Variants in CAP2 observed in about 807,000 individuals in gnomAD.
CAP2 encodes the protein adenylyl cyclase-associated protein 2.
A neutral mutation model predicts 57.7 loss-of-function variants in CAP2; 24 were observed. The observed-to-expected ratio is 0.42, with a 90% confidence interval of 0.30 to 0.58. The LOEUF is 0.58. CAP2 is among the 20% of genes least tolerant of loss of function. The pLI is 0.22. For synonymous variants in CAP2, 194 were observed against 207.2 expected (o/e 0.94, Z 0.55); for missense variants, 501 against 590.3 (o/e 0.85, Z 1.57).
chr6:17,471,788 G>A (rs181896213), intron 4 of CAP2, among the ~76,000 whole-genome samples: 1,847 of 149,918 alleles, frequency 0.012, 24 homozygotes, highest in Middle Eastern at 0.035. Context: ...CCGAGATTGC[G>A]CCACTGCACT....
intron 2 of CAP2, among the ~76,000 whole-genome samples, chr6:17,425,149 C>CT (rs1759556301): frequency 6.6e-6 from 1 of 152,206 alleles, no homozygotes; most frequent in African/African-American, 2.4e-5. Context: ...GAAAGACACT[C>CT]TCCTAATAGT....
chr6:17,445,555 G>C (rs1581525698), intron 3 of CAP2, among the ~76,000 whole-genome samples: 1 of 152,246 alleles, frequency 6.6e-6, no homozygotes, highest in Middle Eastern at 3.4e-3. Flanking sequence ...AGTCTGAAAG[G>C]GTAAGTTGGG....
At chr6:17,542,554 G>T (rs185970658) in intron 9 of CAP2, among the ~76,000 whole-genome samples, 3 of 152,132 alleles carry the variant, frequency 2.0e-5, no homozygotes, top group South Asian at 2.1e-4. Context: ...TGGCATCAAG[G>T]CCTCAACAAA....
intron 2 of CAP2, among the ~76,000 whole-genome samples, chr6:17,423,036 C>T (rs916788835): frequency 6.6e-6 from 1 of 152,174 alleles, no homozygotes; most frequent in Admixed American, 6.5e-5. Context: ...TTTAATATGG[C>T]AACTCTGTTC....
chr6:17,514,690 A>T (rs1762230911), intron 7 of CAP2, among the ~76,000 whole-genome samples: 1 of 152,072 alleles, frequency 6.6e-6, no homozygotes. Context: ...CAGACGTTGC[A>T]GTGAGCTTAG....
At chr6:17,396,570 A>G (rs576993738) in intron 1 of CAP2, among the ~76,000 whole-genome samples, 1 of 152,338 alleles carries the variant, frequency 6.6e-6, no homozygotes, top group South Asian at 2.1e-4. Context: ...TGTATGATCT[A>G]TTCATTTGAA....
chr6:17,498,549 T>A (rs776852338), intron 4 of CAP2, among the ~76,000 whole-genome samples: 11 of 152,122 alleles, frequency 7.2e-5, no homozygotes, highest in Non-Finnish European at 1.5e-4. Flanking sequence ...ATTTAAATAG[T>A]TCTATGTCCC....
chr6:17,399,659 C>T (rs573743079), intron 1 of CAP2, among the ~76,000 whole-genome samples: 2 of 152,222 alleles, frequency 1.3e-5, no homozygotes, highest in South Asian at 2.1e-4. Flanking sequence ...TGCACTAGCC[C>T]CTAATTCTTA....
chr6:17,477,815 T>G (rs1335432700), intron 4 of CAP2, among the ~76,000 whole-genome samples: 1 of 152,132 alleles, frequency 6.6e-6, no homozygotes, highest in East Asian at 1.9e-4. Context: ...AAACTGTGAT[T>G]TAAATGTAAT....
At chr6:17,424,105 A>G (rs1759516738) in intron 2 of CAP2, among the ~76,000 whole-genome samples, 1 of 152,200 alleles carries the variant, frequency 6.6e-6, no homozygotes, top group African/African-American at 2.4e-5. Context: ...AGAAACTTGA[A>G]AATGTTTAAA....
intron 3 of CAP2, among the ~76,000 whole-genome samples, chr6:17,438,880 A>C (rs1759985814): frequency 6.6e-6 from 1 of 150,388 alleles, no homozygotes; most frequent in African/African-American, 2.5e-5. Flanking sequence ...TGGGAGGCCA[A>C]GGTGGGCAGA....
At chr6:17,546,175 C>G (rs981219981) in intron 11 of CAP2, among the ~76,000 whole-genome samples, 1 of 152,188 alleles carries the variant, frequency 6.6e-6, no homozygotes, top group Non-Finnish European at 1.5e-5. Context: ...TAAAAGTGTT[C>G]CTATTTCTCC....
At chr6:17,554,742 A>G (rs1763254563) in intron 12 of CAP2, among the ~76,000 whole-genome samples, 1 of 152,244 alleles carries the variant, frequency 6.6e-6, no homozygotes, top group African/African-American at 2.4e-5. Context: ...GAGGAGGCCC[A>G]GAAGACAGGT....
intron 3 of CAP2, among the ~76,000 whole-genome samples, chr6:17,444,545 G>A (rs1172834293): frequency 6.6e-6 from 1 of 150,854 alleles, no homozygotes; most frequent in Non-Finnish European, 1.5e-5. Context: ...AGAGGCTGGG[G>A]CAGGAGAATC....
chr6:17,466,832 C>A (rs564070733), intron 4 of CAP2, among the ~76,000 whole-genome samples: 1 of 152,252 alleles, frequency 6.6e-6, no homozygotes, highest in South Asian at 2.1e-4. Flanking sequence ...GCTGCAGTAA[C>A]AAACATCTCT....
chr6:17,536,103 G>A (rs1054409367), intron 7 of CAP2: 7 of 428,312 alleles, frequency 1.6e-5, no homozygotes, highest in Admixed American at 4.9e-5. Flanking sequence ...ACATACAGGT[G>A]TGAGCCTCCG....
At chr6:17,424,350 A>T (rs973479909) in intron 2 of CAP2, among the ~76,000 whole-genome samples, 1 of 152,184 alleles carries the variant, frequency 6.6e-6, no homozygotes, top group Non-Finnish European at 1.5e-5. Flanking sequence ...CAGTGAGCCG[A>T]GATCGCGCCA....
At chr6:17,414,912 A>G (rs902698176) in intron 1 of CAP2, among the ~76,000 whole-genome samples, 5 of 152,200 alleles carry the variant, frequency 3.3e-5, no homozygotes, top group Non-Finnish European at 7.4e-5. Flanking sequence ...CCTCACCAGC[A>G]TCTATTGTTT....
intron 4 of CAP2, among the ~76,000 whole-genome samples, chr6:17,489,589 C>T (rs540298515): frequency 1.2e-4 from 19 of 152,182 alleles, no homozygotes; most frequent in African/African-American, 4.1e-4. Flanking sequence ...TTGGCATTAC[C>T]CAGTGTCAGC....
Sources: gnomAD v4.1 joint callset for allele counts (sites outside exome capture counted in the v4.1 genomes callset) on GRCh38, gnomAD v4.1.1 for gene constraint, MANE v1.5 for transcripts, NCBI Gene and HGNC (gene_info 2026-07-23, HGNC 2026-07-21) for gene names.